RHOT1: variants seen among roughly 807,000 people sequenced by gnomAD.
The protein encoded by RHOT1 is mitochondrial Rho GTPase 1.
RHOT1 carries 27 observed loss-of-function variants against 95.3 expected under a neutral mutation model. That is an observed-to-expected ratio of 0.28 (90% CI 0.21 to 0.39). The LOEUF (loss-of-function observed/expected upper bound fraction) is 0.39, where lower values mean the gene tolerates loss of function less well. Ranked by LOEUF, RHOT1 falls within the 10% of genes least tolerant of loss-of-function variation. The pLI, the probability that RHOT1 is intolerant of heterozygous loss-of-function variation, is 1.00. For synonymous variants in RHOT1, 227 were observed against 263.5 expected, an observed-to-expected ratio of 0.86 and a Z score of 1.34; for missense variants, 578 against 786.7, an observed-to-expected ratio of 0.73 and a Z score of 3.17.
At chr17:32,218,240 G>A (rs1272657075) in intron 19 of RHOT1, among the ~76,000 whole-genome samples, 1 of 152,096 alleles carries the variant, frequency 6.6e-6, no homozygotes, top group Admixed American at 6.5e-5. Flanking sequence ...TCTAATCCCA[G>A]CACTTTGGGA....
intron 11 of RHOT1, among the ~76,000 whole-genome samples, chr17:32,197,982 C>A (rs1245381801): frequency 1.3e-5 from 2 of 152,308 alleles, no homozygotes; most frequent in East Asian, 3.9e-4. Flanking sequence ...GCATCCTTAA[C>A]CTCCCAGGCT....
chr17:32,142,870 G>T, intron 1 of RHOT1, 141 bp downstream of exon 1: 2 of 799,470 alleles, frequency 2.5e-6, no homozygotes, highest in Non-Finnish European at 4.2e-6. Context: ...GCCTTTCTCC[G>T]CGTTCCTAGG....
chr17:32,182,861 TG>T lies in RHOT1; in HGVS notation c.436del (p.Glu146SerfsTer7). 6.6e-7 allele frequency: 1 copy of T among 1,520,512 alleles called. No individual in the cohort carries two copies. The highest frequency in any genetic ancestry group is 9.0e-7 in the Non-Finnish European group (1 of 1,105,740). 94.2% of individuals were successfully genotyped at this position (1,520,512 alleles called of 1,614,324 possible). On this transcript the variant is annotated frameshift_variant, in exon 7 of 20. Transcript: ENST00000545287. LOFTEE classifies it high-confidence loss of function. ...CAGTATACAGAAATAGAAACCTGTG[TG>T]GAGGTATGCCTTGTAATTTGATTTG... is the stretch of plus-strand genomic sequence containing the variant. ...MNQYTEIETC[V>X]ECSAKNLKNI... is the part of the protein sequence containing the mutation.
intron 14 of RHOT1, among the ~76,000 whole-genome samples, chr17:32,202,396 ATAT>A (rs1480340367): frequency 6.6e-6 from 1 of 152,188 alleles, no homozygotes. Context: ...TTAGTTTATA[ATAT>A]GTGACAGTTT....
At chr17:32,173,316 C>T (rs550485383) in intron 2 of RHOT1, among the ~76,000 whole-genome samples, 1 of 152,176 alleles carries the variant, frequency 6.6e-6, no homozygotes, top group Non-Finnish European at 1.5e-5. Context: ...TTGCATTATA[C>T]TTACCAGTTG....
chr17:32,143,276 C>T (rs933849126), intron 1 of RHOT1: 6 of 362,782 alleles, frequency 1.7e-5, no homozygotes, highest in African/African-American at 1.3e-4. Context: ...TTTTGGCACT[C>T]GCAGTCTTCA....
chr17:32,201,967 A>G (rs1276351032), intron 14 of RHOT1, among the ~76,000 whole-genome samples: 1 of 152,136 alleles, frequency 6.6e-6, no homozygotes, highest in Non-Finnish European at 1.5e-5. Context: ...GCTGGAGTGC[A>G]GTGATGAGAT....
At chr17:32,217,453 T>A (rs1396888869) in intron 19 of RHOT1, among the ~76,000 whole-genome samples, 2 of 152,188 alleles carry the variant, frequency 1.3e-5, no homozygotes, top group Admixed American at 1.3e-4. Flanking sequence ...GCATTATTTT[T>A]AAAAGTAGAT....
At chr17:32,198,750 A>G (rs1379618186) in intron 11 of RHOT1, among the ~76,000 whole-genome samples, 197 bp from the exon 12 acceptor site, 1 of 152,198 alleles carries the variant, frequency 6.6e-6, no homozygotes, top group Non-Finnish European at 1.5e-5. Flanking sequence ...TTACTTTGGA[A>G]TGAGCATTAT....
At chr17:32,145,035 G>T (rs1431763792) in intron 1 of RHOT1, among the ~76,000 whole-genome samples, 1 of 151,932 alleles carries the variant, frequency 6.6e-6, no homozygotes, top group Non-Finnish European at 1.5e-5. Flanking sequence ...AGTAGCTCAT[G>T]CCTGTAACCC....
At chr17:32,200,839 A>T in intron 13 of RHOT1, 117 bp from the exon 14 acceptor site, 1 of 651,478 alleles carries the variant, frequency 1.5e-6, no homozygotes, top group Non-Finnish European at 2.7e-6. Flanking sequence ...AAATTAAAGT[A>T]GTCTAGACAA....
At chr17:32,169,609 TAAC>T (rs2034403634) in intron 1 of RHOT1, among the ~76,000 whole-genome samples, 1 of 152,226 alleles carries the variant, frequency 6.6e-6, no homozygotes, top group South Asian at 2.1e-4. Flanking sequence ...GGAGATAATT[TAAC>T]AACATCAGTT....
chr17:32,221,370 C>CAAA (rs397805349), intron 19 of RHOT1, among the ~76,000 whole-genome samples: 1,306 of 67,970 alleles, frequency 0.019, 22 homozygotes, highest in African/African-American at 0.062. Context: ...TCGTCTGTCT[C>CAAA]AAAAAAAAAA....
At chr17:32,199,644 A>G (rs2037164622) in intron 13 of RHOT1, 94 bp downstream of exon 13, 2 of 1,080,626 alleles carry the variant, frequency 1.9e-6, no homozygotes, top group East Asian at 5.4e-5. Context: ...GTGAGGCATT[A>G]TGAAATTCTT....
rs1427759794 is a variant in RHOT1, at chr17:32,220,521, G to A, written c.1863-4095G>A. On this transcript the variant is annotated intron_variant, in intron 19 of 19. Transcript: ENST00000545287. ...ATATACACACATTGTGTTTGCAGCTGTGTAAAAAATACATAGAAAAAGTCT... is the reference window on the plus strand; with the variant it reads ...ATATACACACATTGTGTTTGCAGCTATGTAAAAAATACATAGAAAAAGTCT... Among the ~76,000 whole-genome samples the A allele has an allele frequency of 3.3e-5, 5 of 152,164 alleles. No homozygotes were observed. In the South Asian group the frequency reaches 1.0e-3, roughly 32 times the overall value.
chr17:32,215,280 G>T (rs143191356), intron 19 of RHOT1, among the ~76,000 whole-genome samples: 149 of 152,240 alleles, frequency 9.8e-4, no homozygotes, highest in African/African-American at 3.1e-3. Flanking sequence ...TCAGCACATT[G>T]TTTTAGTGTG....
At chr17:32,187,740 T>C (rs1407191293) in intron 8 of RHOT1, among the ~76,000 whole-genome samples, 1 of 152,114 alleles carries the variant, frequency 6.6e-6, no homozygotes, top group Non-Finnish European at 1.5e-5. Flanking sequence ...AGCTAATTTT[T>C]GTATTTTTGG....
chr17:32,176,612 G>A (rs543054472), intron 6 of RHOT1, among the ~76,000 whole-genome samples: 77 of 150,280 alleles, frequency 5.1e-4, no homozygotes, highest in African/African-American at 1.7e-3. Context: ...TTGCTCTGTC[G>A]CCCAGGCTGG....
intron 1 of RHOT1, among the ~76,000 whole-genome samples, chr17:32,160,704 C>T (rs920238549): frequency 1.1e-4 from 16 of 152,174 alleles, no homozygotes; most frequent in African/African-American, 3.6e-4. Context: ...GGAGATGGTG[C>T]CCAAGCTGGC....
Sources: gnomAD v4.1 joint callset for allele counts (sites outside exome capture counted in the v4.1 genomes callset) on GRCh38, gnomAD v4.1.1 for gene constraint, MANE v1.5 for transcripts, NCBI Gene and HGNC (gene_info 2026-07-23, HGNC 2026-07-21) for gene names.